The following TBXAS1 variants were observed in gnomAD, a reference collection of about 807,000 sequenced individuals.
The protein encoded by TBXAS1 is thromboxane A synthase 1.
TBXAS1 carries 48 observed loss-of-function variants against 60.7 expected under a neutral mutation model. The ratio of observed to expected loss-of-function variants is 0.79; its 90% CI spans 0.63 to 1.01. The LOEUF is 1.01. Ranked by LOEUF, TBXAS1 falls within the 50% of genes least tolerant of loss-of-function variation. The pLI is 0.00. For missense variants in TBXAS1, 685 were observed against 686.3 expected, an observed-to-expected ratio of 1.00 and a Z score of 0.02; for synonymous variants, 287 against 269.7, an observed-to-expected ratio of 1.06 and a Z score of -0.63.
intron 10 of TBXAS1, among the ~76,000 whole-genome samples, chr7:140,012,289 C>T (rs1814677839): frequency 6.6e-6 from 1 of 152,116 alleles, no homozygotes; most frequent in Non-Finnish European, 1.5e-5. Context: ...TGGGATAATG[C>T]TGAAGTCAGA....
At chr7:139,927,799 AT>A (rs1807010014) in intron 4 of TBXAS1, among the ~76,000 whole-genome samples, 2 of 151,972 alleles carry the variant, frequency 1.3e-5, no homozygotes, top group African/African-American at 4.8e-5. Flanking sequence ...TTAAAATTTC[AT>A]TTTTCAGTAG....
intron 1 of TBXAS1, among the ~76,000 whole-genome samples, chr7:139,865,463 C>T (rs903158749): frequency 3.9e-5 from 6 of 152,022 alleles, no homozygotes; most frequent in African/African-American, 1.5e-4. Flanking sequence ...GTGGAGTCAG[C>T]TTGCAGTACC....
intron 9 of TBXAS1, 90 bp downstream of exon 9, chr7:139,962,323 T>C: frequency 6.9e-7 from 1 of 1,450,006 alleles, no homozygotes; most frequent in Non-Finnish European, 9.6e-7. Flanking sequence ...TTTAATGACT[T>C]GCTAATATCA....
intron 4 of TBXAS1, among the ~76,000 whole-genome samples, chr7:139,790,764 A>T (rs1797357153): frequency 6.6e-6 from 1 of 152,186 alleles, no homozygotes; most frequent in South Asian, 2.1e-4. Flanking sequence ...GGGAATGTGT[A>T]ATAAGTGACT....
intron 1 of TBXAS1, among the ~76,000 whole-genome samples, chr7:139,846,545 C>T (rs573985130): frequency 3.9e-5 from 6 of 152,142 alleles, no homozygotes; most frequent in Non-Finnish European, 5.9e-5. Context: ...GATAACTGCA[C>T]GCTTATATTC....
In TBXAS1 at chr7:140,013,953, C is replaced by G. The variant is rs1343130058; in HGVS notation, c.1227-1770C>G. ...CACTTCACCCACTGATTGCCCTTGA[C>G]TTTGAGCTACAGGTTTCACCAGCTA... On this transcript the variant is annotated intron_variant, in intron 10 of 12. Transcript: ENST00000448866. This position sits in a 1 kb window ranked among gnomAD's most constrained non-coding sequence, Gnocchi z 4.2. 6.6e-6 allele frequency among the ~76,000 whole-genome samples: 1 copy of G among 152,224 alleles called. No individual in the cohort carries two copies. Among genetic ancestry groups the G allele is most frequent in the Non-Finnish European group, 1.5e-5 (1 of 68,042 alleles).
chr7:139,881,586 A>G (rs1226614761), intron 3 of TBXAS1, among the ~76,000 whole-genome samples: 3 of 152,278 alleles, frequency 2.0e-5, no homozygotes, highest in South Asian at 2.1e-4. Flanking sequence ...CTGCTTAATC[A>G]CAAGCCAGGG....
chr7:139,974,841 T>C (rs574014768), intron 9 of TBXAS1, among the ~76,000 whole-genome samples: 3 of 152,304 alleles, frequency 2.0e-5, no homozygotes, highest in Admixed American at 6.5e-5. Flanking sequence ...TAAACAAAAG[T>C]TAACTTGATA....
At chr7:139,925,956 G>A (rs1041597993) in intron 4 of TBXAS1, among the ~76,000 whole-genome samples, 12 of 152,094 alleles carry the variant, frequency 7.9e-5, no homozygotes, top group African/African-American at 2.4e-5. Flanking sequence ...TGTATATGTT[G>A]AGCCATGCTT....
intron 4 of TBXAS1, among the ~76,000 whole-genome samples, chr7:139,796,120 A>G (rs1418362304): frequency 2.0e-5 from 3 of 152,184 alleles, no homozygotes; most frequent in Non-Finnish European, 4.4e-5. Context: ...CTGCCTTAAA[A>G]TATACTTTTA....
intron 2 of TBXAS1, among the ~76,000 whole-genome samples, chr7:139,873,449 G>A (rs73734132): frequency 0.034 from 5,235 of 152,238 alleles, 285 homozygotes; most frequent in African/African-American, 0.12. Flanking sequence ...ACGATGGCTC[G>A]GTCTGGTCGG....
chr7:139,954,159 ACAGC>A (rs1474268264), intron 6 of TBXAS1, among the ~76,000 whole-genome samples: 2 of 152,254 alleles, frequency 1.3e-5, no homozygotes, highest in African/African-American at 4.8e-5. Flanking sequence ...ATCATGGCTT[ACAGC>A]AGATAAAGAA....
chr7:140,010,957 A>C (rs960539908), intron 10 of TBXAS1, among the ~76,000 whole-genome samples: 1 of 151,804 alleles, frequency 6.6e-6, no homozygotes, highest in Non-Finnish European at 1.5e-5. Context: ...TAGCATGCTT[A>C]TACAAACAAA....
At chr7:139,785,033 G>C (rs530578526) in intron 3 of TBXAS1, among the ~76,000 whole-genome samples, 1 of 152,290 alleles carries the variant, frequency 6.6e-6, no homozygotes, top group African/African-American at 2.4e-5. Context: ...ACTGACTCAG[G>C]AATCTCTGGG....
intron 4 of TBXAS1, among the ~76,000 whole-genome samples, chr7:139,918,393 C>T (rs1299555300): frequency 6.6e-6 from 1 of 152,180 alleles, no homozygotes; most frequent in Non-Finnish European, 1.5e-5. Context: ...GCTTCAGGTA[C>T]AAGGAACAAG....
At chr7:139,851,660 G>C (rs890425494) in intron 1 of TBXAS1, among the ~76,000 whole-genome samples, 8 of 152,166 alleles carry the variant, frequency 5.3e-5, no homozygotes, top group Non-Finnish European at 1.0e-4. Context: ...CAACTACATT[G>C]TTTCAATATC....
intron 1 of TBXAS1, among the ~76,000 whole-genome samples, chr7:139,834,558 T>C (rs1001773848): frequency 6.6e-6 from 1 of 151,924 alleles, no homozygotes; most frequent in Non-Finnish European, 1.5e-5. Flanking sequence ...ATAAATAAAA[T>C]TGATAGACCA....
rs1482780517 is a variant in TBXAS1 at position 139,890,169 on chromosome 7, C to T, written c.236+14532C>T. 3.3e-5 allele frequency among the ~76,000 whole-genome samples: 5 copies of T among 150,624 alleles called. No homozygotes were observed. The East Asian group carries it at 9.8e-4, about 30-fold the overall frequency. On this transcript the variant is annotated intron_variant, in intron 3 of 12. Transcript: ENST00000448866. ...CTCCGAACCTTTCATGCAGCAATGT[C>T]CTTCGACAATCTCCAAGTGAGAAAT... is the stretch of plus-strand genomic sequence containing the variant.
chr7:139,915,030 A>C (rs568178857), intron 4 of TBXAS1, among the ~76,000 whole-genome samples: 148 of 152,268 alleles, frequency 9.7e-4, no homozygotes, highest in African/African-American at 3.4e-3. Flanking sequence ...AAACACGTAA[A>C]AAGACCCATC....
Sources: allele counts gnomAD v4.1 joint callset (sites outside exome capture counted in the v4.1 genomes callset), GRCh38; gene constraint gnomAD v4.1.1; non-coding constraint Gnocchi (gnomAD v3.1); transcripts MANE v1.5; gene names NCBI Gene and HGNC (gene_info 2026-07-23, HGNC 2026-07-21).